Variants in CDK14 observed in about 807,000 individuals in gnomAD.
CDK14 encodes the protein cyclin-dependent kinase 14.
Under a neutral mutation model 60.7 loss-of-function variants are expected in CDK14, and 34 were observed. The observed-to-expected ratio is 0.56, with a 90% CI of 0.43 to 0.75. The LOEUF is 0.75. Among genes scored for constraint, CDK14 ranks in the 30% least tolerant of loss-of-function variants. The pLI is 0.00. For missense variants in CDK14, 482 were observed against 564.1 expected, an observed-to-expected ratio of 0.85 and a Z score of 1.47; for synonymous variants, 197 against 203.7, an observed-to-expected ratio of 0.97 and a Z score of 0.28.
intron 9 of CDK14, among the ~76,000 whole-genome samples, chr7:90,981,546 A>G (rs1415805855): frequency 1.3e-5 from 2 of 152,224 alleles, no homozygotes; most frequent in African/African-American, 4.8e-5. Context: ...TTAATTCAAA[A>G]CATTGTTTAT....
intron 2 of CDK14, chr7:90,692,868 A>G (rs1342850903): frequency 3.3e-5 from 5 of 153,352 alleles, no homozygotes; most frequent in Non-Finnish European, 7.2e-5. Context: ...TATTTTGCAT[A>G]GAAGTTACTG....
intron 2 of CDK14, among the ~76,000 whole-genome samples, chr7:90,711,210 T>A (rs1406850594): frequency 6.6e-6 from 1 of 152,000 alleles, no homozygotes; most frequent in South Asian, 2.1e-4. Context: ...GAGAGAAATA[T>A]GGGTAACTGT....
rs978202156 is a variant in CDK14 at position 90,895,980 on chromosome 7, G to C, written c.640-3311G>C. Among the ~76,000 whole-genome samples the C allele has an allele frequency of 2.0e-5, 3 of 151,908 alleles. No individual in the cohort carries two copies. In the South Asian group the frequency reaches 6.2e-4, roughly 32 times the overall value. ...GGTTTGTTTTATTAGGCTTTTCATA[G>C]AAGTGGGTTTTTGTTTAATTGTTCA... On this transcript the variant is annotated intron_variant, in intron 6 of 14. Transcript: ENST00000380050.
intron 5 of CDK14, among the ~76,000 whole-genome samples, chr7:90,839,157 T>G (rs1017251980): frequency 6.6e-6 from 1 of 152,180 alleles, no homozygotes; most frequent in African/African-American, 2.4e-5. Flanking sequence ...GTTCCCCTGA[T>G]AGTTGAGCAA....
rs377301891 is a variant in CDK14 at position 90,614,270 on chromosome 7, G to T, written c.123+10021G>T. Among the ~76,000 whole-genome samples the T allele has an allele frequency of 9.5e-4, 144 of 152,266 alleles. 1 individual carries two copies. The highest frequency in any genetic ancestry group is 3.2e-3 in the African/African-American group (132 of 41,552). On this transcript the variant is annotated intron_variant, in intron 2 of 14. Transcript: ENST00000380050. ...TCCACCCGCCTTGGCCTCCCAAAGT[G>T]CTGGGATTACAGGCATAAGCCACCG... is the stretch of plus-strand genomic sequence containing the variant.
intron 2 of CDK14, among the ~76,000 whole-genome samples, chr7:90,669,869 G>T (rs1801062764): frequency 6.6e-6 from 1 of 152,174 alleles, no homozygotes; most frequent in South Asian, 2.1e-4. Flanking sequence ...TGCAAGAATT[G>T]ATATAGAATA....
chr7:90,661,350 A>C (rs1053040050), intron 2 of CDK14, among the ~76,000 whole-genome samples: 1 of 152,218 alleles, frequency 6.6e-6, no homozygotes, highest in Non-Finnish European at 1.5e-5. Flanking sequence ...ATTCATAGAC[A>C]GCTTACGTAA....
intron 4 of CDK14, among the ~76,000 whole-genome samples, chr7:90,781,170 TAGTG>T (rs1414303129): frequency 1.3e-5 from 2 of 152,260 alleles, no homozygotes; most frequent in Non-Finnish European, 2.9e-5. Flanking sequence ...TAGCCAGTGA[TAGTG>T]AGCATTTTTT....
chr7:91,141,198 A>C (rs1403060766), intron 14 of CDK14, among the ~76,000 whole-genome samples: 1 of 152,222 alleles, frequency 6.6e-6, no homozygotes, highest in African/African-American at 2.4e-5. Context: ...AGGAAGTGTA[A>C]GTTTCATGAC....
intron 5 of CDK14, among the ~76,000 whole-genome samples, chr7:90,841,971 A>T (rs1790310306): frequency 6.6e-6 from 1 of 152,070 alleles, no homozygotes; most frequent in Non-Finnish European, 1.5e-5. Flanking sequence ...TTCAAATCCT[A>T]TGTATTTTTT....
chr7:90,869,354 T>C (rs1340036923), intron 6 of CDK14, among the ~76,000 whole-genome samples: 4 of 152,172 alleles, frequency 2.6e-5, no homozygotes, highest in Admixed American at 2.6e-4. Context: ...AAGAGCATTC[T>C]AGGCAGAAAG....
chr7:90,930,059 A>T (rs1793540613), intron 8 of CDK14, among the ~76,000 whole-genome samples: 1 of 152,196 alleles, frequency 6.6e-6, no homozygotes, highest in Non-Finnish European at 1.5e-5. Flanking sequence ...ATTAGTTTAT[A>T]AGAAAACAGT....
intron 11 of CDK14, among the ~76,000 whole-genome samples, chr7:91,071,372 A>T (rs918196568): frequency 6.6e-5 from 10 of 152,256 alleles, no homozygotes; most frequent in Admixed American, 2.6e-4. Flanking sequence ...GGCAGCTGGC[A>T]TGATCCACCG....
intron 5 of CDK14, among the ~76,000 whole-genome samples, chr7:90,861,387 G>A (rs915803832): frequency 2.0e-5 from 3 of 152,202 alleles, no homozygotes; most frequent in Non-Finnish European, 2.9e-5. Context: ...CAACAAGCCT[G>A]TGATAGCAAA....
At chr7:90,961,991 T>C (rs2117592885) in intron 9 of CDK14, among the ~76,000 whole-genome samples, 1 of 152,372 alleles carries the variant, frequency 6.6e-6, no homozygotes, top group South Asian at 2.1e-4. Flanking sequence ...CATTTGAGTG[T>C]TTAATTCACA....
intron 14 of CDK14, among the ~76,000 whole-genome samples, chr7:91,120,224 G>A (rs1799739644): frequency 1.3e-5 from 2 of 152,174 alleles, no homozygotes; most frequent in Admixed American, 1.3e-4. Flanking sequence ...AGCCCAGCCA[G>A]TCAAAGCTGC....
At chr7:91,112,300 A>C (rs1326757508) in intron 12 of CDK14, among the ~76,000 whole-genome samples, 3 of 152,204 alleles carry the variant, frequency 2.0e-5, no homozygotes, top group Non-Finnish European at 1.5e-5. Context: ...GGAAAGTATC[A>C]ATCCTTTGCC....
At chr7:91,182,663 A>C (rs1462531607) in intron 14 of CDK14, among the ~76,000 whole-genome samples, 2 of 152,132 alleles carry the variant, frequency 1.3e-5, no homozygotes, top group African/African-American at 2.4e-5. Context: ...TCTTAGGTAA[A>C]TGGTGATGTG....
intron 11 of CDK14, among the ~76,000 whole-genome samples, chr7:91,069,777 T>C (rs565919862): frequency 2.9e-4 from 44 of 152,324 alleles, no homozygotes; most frequent in African/African-American, 1.1e-3. Context: ...AGATTTCCAA[T>C]GGAAACATTT....
Sources: allele counts gnomAD v4.1 joint callset (sites outside exome capture counted in the v4.1 genomes callset), GRCh38; gene constraint gnomAD v4.1.1; transcripts MANE v1.5; gene names NCBI Gene and HGNC (gene_info 2026-07-23, HGNC 2026-07-21).